Variants in ITGA7 observed in about 807,000 individuals in gnomAD.
ITGA7 encodes the protein integrin subunit alpha 7, also known as integrin alpha-7.
ITGA7 carries 84 observed loss-of-function variants against 131.6 expected under a neutral mutation model. The observed-to-expected ratio is 0.64, with a 90% CI of 0.54 to 0.77. ITGA7 has a LOEUF of 0.77. ITGA7 is among the 30% of genes least tolerant of loss of function. The probability of loss-of-function intolerance (pLI) is 0.00; values close to 1 mark genes in which losing one functional copy is unlikely to be tolerated. For missense variants in ITGA7, 1,399 were observed against 1,482.9 expected (o/e 0.94, Z 0.93); for synonymous variants, 548 against 600.7 (o/e 0.91, Z 1.28).
At chr12:55,714,023 G>C (rs1273686676), upstream of ITGA7, among the ~76,000 whole-genome samples, 1 of 152,180 alleles carries the variant, frequency 6.6e-6, no homozygotes, top group Non-Finnish European at 1.5e-5. Flanking sequence ...TTTAGATATG[G>C]TTTAGCCCAG....
chr12:55,706,425 C>G (rs1025329458), intron 1 of ITGA7, among the ~76,000 whole-genome samples: 5 of 152,122 alleles, frequency 3.3e-5, no homozygotes, highest in African/African-American at 1.2e-4. Flanking sequence ...GCCCCCTGCC[C>G]CCAGACCGAC....
intron 7 of ITGA7, 70 bp from the exon 8 acceptor site, chr12:55,698,096 C>G: frequency 7.4e-7 from 1 of 1,347,232 alleles, no homozygotes; most frequent in Non-Finnish European, 1.1e-6. Context: ...GCCTCAACTC[C>G]CCCCAGTCAC....
upstream of ITGA7, chr12:55,711,962 C>A: frequency 1.1e-6 from 1 of 937,198 alleles, no homozygotes; most frequent in South Asian, 1.4e-5. Flanking sequence ...GCTAACTTCT[C>A]CCTCCACCTC....
In ITGA7 at chr12:55,688,274, T is replaced by C. The variant is rs759326810; in HGVS notation, c.2985A>G (p.Glu995=). ...LEEYSAVKSL[E]VIVRANITVK... is the part of the protein sequence containing the mutation. Reference sequence around the variant, plus strand: ...CTGTGATGTTGGCCCGGACAATCACTTCCAGGGACTTCACAGCTGAGTACT... The same window carrying C: ...CTGTGATGTTGGCCCGGACAATCACCTCCAGGGACTTCACAGCTGAGTACT... The change falls in exon 23 of 25, where the codon GAA becomes GAG. Residue 995 remains glutamate (E), a synonymous_variant. Transcript: ENST00000257879. 6.2e-7 allele frequency: 1 copy of C among 1,614,000 alleles called. No individual in the cohort carries two copies. Among genetic ancestry groups the C allele is most frequent in the Admixed American group, 1.7e-5 (1 of 60,020 alleles).
At position 55,685,185 on chromosome 12, in the gene ITGA7, G is replaced by A. The variant is rs200485048; in HGVS notation, c.3287C>T (p.Thr1096Met). Residue 1096 changes from threonine (T) to methionine (M), a missense_variant, in exon 25 of 25, where the codon ACG (threonine) becomes ATG (methionine). Physicochemically the swap from Thr to Met is moderately conservative, Grantham distance 81. Transcript: ENST00000257879. ...EDRQQFKEEK[T>M]GTILRNNWGS... ...CCAGTTGTTCCTCAGGATGGTGCCC[G>A]TCTTCTCCTCCTTGAACTGCTGTCG... The A allele has an allele frequency of 6.1e-5, 99 of 1,614,166 alleles. No individual in the cohort carries two copies. In the Middle Eastern group the frequency reaches 4.0e-3, roughly 65 times the overall value.
In ITGA7 at chr12:55,707,828, G is replaced by A. The variant is rs962869139; in HGVS notation, c.-146C>T. 3.5e-4 allele frequency: 203 copies of A among 588,130 alleles called. No individual in the cohort carries two copies. The highest frequency in any genetic ancestry group is 4.9e-4 in the Non-Finnish European group (182 of 368,774). 36.4% of individuals were successfully genotyped at this position (588,130 alleles called of 1,614,324 possible). A position where few individuals can be genotyped will look rare whatever the true frequency, so the allele number is the denominator to read the frequency against. ...AGACGTTCGCCCCGCCAGCCCTCCC[G>A]CCCGCCCGCCGCTCCGCCACCCCGC... is the stretch of plus-strand genomic sequence containing the variant. On this transcript the variant is annotated 5_prime_UTR_variant, in exon 1 of 25. Coordinates refer to ENST00000257879, the MANE Select transcript of ITGA7 (RefSeq NM_002206.3).
chr12:55,709,938 G>C (rs1471534177), upstream of ITGA7, among the ~76,000 whole-genome samples: 1 of 152,238 alleles, frequency 6.6e-6, no homozygotes. Context: ...AGGGGCAAAG[G>C]AGGGAGGGGA....
chr12:55,712,197 C>T (rs535886829), upstream of ITGA7: 17 of 1,551,448 alleles, frequency 1.1e-5, no homozygotes, highest in South Asian at 4.8e-5. Flanking sequence ...TTGACCGCTC[C>T]GGTCTTTGAC....
upstream of ITGA7, among the ~76,000 whole-genome samples, chr12:55,711,779 T>A (rs1288764251): frequency 6.6e-6 from 1 of 152,246 alleles, no homozygotes; most frequent in Non-Finnish European, 1.5e-5. Context: ...CAGCCAAGAT[T>A]TTAGCCCTTT....
At chr12:55,711,923 G>A (rs1340447535), upstream of ITGA7, 2 of 709,310 alleles carry the variant, frequency 2.8e-6, no homozygotes, top group Middle Eastern at 3.8e-4. Context: ...TAGCTTACAA[G>A]CAAACACTTC....
chr12:55,700,046 G>C (rs1873620489), intron 4 of ITGA7, 57 bp from the exon 5 acceptor site: 16 of 1,597,834 alleles, frequency 1.0e-5, no homozygotes, highest in Non-Finnish European at 1.4e-5. Context: ...GGGCCACAGA[G>C]TAGGGAGACA....
Position 55,684,821 on chromosome 12 carries a change from C to T in ITGA7, c.*237G>A, listed in dbSNP as rs1869719148. Reference sequence around the variant, plus strand: ...ACCTTTGCATCAGGACACCCCTGCCCTTCTCACCCTACCCCATGGCCCTGT... The same window carrying T: ...ACCTTTGCATCAGGACACCCCTGCCTTTCTCACCCTACCCCATGGCCCTGT... On this transcript the variant is annotated 3_prime_UTR_variant, in exon 25 of 25. Transcript: ENST00000257879. 1 of 562,852 alleles carries T rather than the reference C, an allele frequency of 1.8e-6. No homozygotes were observed. The highest frequency in any genetic ancestry group is 2.9e-5 in the East Asian group (1 of 35,008). The allele number at this position is 562,852 out of a possible 1,614,324, so 34.9% of individuals were successfully genotyped here. A position where few individuals can be genotyped will look rare whatever the true frequency, so the allele number is the denominator to read the frequency against.
At chr12:55,690,509 T>C (rs1459784242) in intron 21 of ITGA7, among the ~76,000 whole-genome samples, 2 of 149,210 alleles carry the variant, frequency 1.3e-5, no homozygotes, top group East Asian at 2.0e-4. Context: ...TAGGAACACT[T>C]TTACACTGTT....
At chr12:55,700,867 TC>T (rs749200693) in intron 4 of ITGA7, 31 bp downstream of exon 4, 5 of 1,613,956 alleles carry the variant, frequency 3.1e-6, no homozygotes, top group Non-Finnish European at 3.4e-6. Flanking sequence ...GAGGTTTTGG[TC>T]CCCTTCTCCC....
At chr12:55,698,657 TG>T in intron 6 of ITGA7, 52 bp downstream of exon 6, 1 of 1,612,186 alleles carries the variant, frequency 6.2e-7, no homozygotes, top group Non-Finnish European at 8.5e-7. Context: ...TCAGCCAGAC[TG>T]GGGCTACTAG....
intron 1 of ITGA7, among the ~76,000 whole-genome samples, chr12:55,704,859 G>A (rs924560140): frequency 2.6e-5 from 4 of 152,134 alleles, no homozygotes; most frequent in South Asian, 2.1e-4. Flanking sequence ...AAAAGGAAAC[G>A]GGGTGATACA....
rs575056224 is a variant in ITGA7 at position 55,706,987 on chromosome 12, G to C, written c.206+490C>G. On this transcript the variant is annotated intron_variant, in intron 1 of 24. Coordinates refer to ENST00000257879, the MANE Select transcript of ITGA7 (RefSeq NM_002206.3). ...CTCTCTCCTGGCCTTCCAGTGCCCT[G>C]CTGCCCTCATTCCATCCATGGCAAT... is the stretch of plus-strand genomic sequence containing the variant. 2.0e-5 allele frequency among the ~76,000 whole-genome samples: 3 copies of C among 152,356 alleles called. No individual in the cohort carries two copies. In the South Asian group the frequency reaches 6.2e-4, roughly 32 times the overall value.
chr12:55,685,592 A>AC (rs543998226), intron 24 of ITGA7, among the ~76,000 whole-genome samples: 1 of 151,926 alleles, frequency 6.6e-6, no homozygotes, highest in Non-Finnish European at 1.5e-5. Flanking sequence ...CAAGATTTGT[A>AC]CCCCCTCTAG....
chr12:55,685,308 G>A lies in ITGA7; in HGVS notation c.3184-20C>T. 1 of 1,609,432 alleles carries A rather than the reference G, an allele frequency of 6.2e-7. No individual in the cohort carries two copies. Among genetic ancestry groups the A allele is most frequent in the Non-Finnish European group, 8.5e-7 (1 of 1,176,490 alleles). ...TCCCATCTATAAGGACACCAGGCCA[G>A]ACCATGAGGAGCCTGAAGAGCTGCG... On this transcript the variant is annotated intron_variant, in intron 24 of 24. Coordinates refer to ENST00000257879, the MANE Select transcript of ITGA7 (RefSeq NM_002206.3).
Sources: allele counts gnomAD v4.1 joint callset (sites outside exome capture counted in the v4.1 genomes callset), GRCh38; gene constraint gnomAD v4.1.1; transcripts MANE v1.5; gene names NCBI Gene and HGNC (gene_info 2026-07-23, HGNC 2026-07-21).